Variants in SEC14L5 observed in about 807,000 individuals in gnomAD.
SEC14L5 encodes the protein SEC14 like lipid binding 5, also known as SEC14-like protein 5.
Under a neutral mutation model 84.6 loss-of-function variants are expected in SEC14L5, and 96 were observed. The observed-to-expected ratio is 1.13, with a 90% CI of 0.96 to 1.34. The LOEUF (loss-of-function observed/expected upper bound fraction) is 1.34. Among genes scored for constraint, SEC14L5 ranks in the 40% most tolerant of loss-of-function variants. The pLI is 0.00. For missense variants in SEC14L5, 1,224 were observed against 942.5 expected (o/e 1.30, Z -3.91); for synonymous variants, 546 against 383.4 (o/e 1.42, Z -4.95).
At chr16:4,985,734 G>T (rs1955478470) in intron 2 of SEC14L5, among the ~76,000 whole-genome samples, 1 of 151,064 alleles carries the variant, frequency 6.6e-6, no homozygotes. Flanking sequence ...GATTACTGTA[G>T]CCTGATATAT....
intron 2 of SEC14L5, among the ~76,000 whole-genome samples, chr16:4,961,013 T>G (rs1955113891): frequency 6.6e-6 from 1 of 152,160 alleles, no homozygotes; most frequent in African/African-American, 2.4e-5. Context: ...GGCTCACACC[T>G]GTAATCCCAG....
intron 8 of SEC14L5, among the ~76,000 whole-genome samples, chr16:4,999,314 A>G (rs980811087): frequency 2.0e-5 from 3 of 152,116 alleles, no homozygotes; most frequent in African/African-American, 7.2e-5. Context: ...GTCCTTAAAC[A>G]GAAACACAAG....
At chr16:5,004,627 G>T (rs1485412251) in intron 11 of SEC14L5, among the ~76,000 whole-genome samples, 1 of 152,036 alleles carries the variant, frequency 6.6e-6, no homozygotes, top group African/African-American at 2.4e-5. Flanking sequence ...GCCTCCTGGG[G>T]CCCAGCACAG....
chr16:5,001,011 G>C lies in SEC14L5; in HGVS notation c.1130+86G>C, dbSNP rs1596638375. On this transcript the variant is annotated intron_variant, in intron 10 of 15. Transcript: ENST00000251170. ...GTCCACTGTGCATATGTGCTGGGCTGGGCAGCGTGCCAGGGGCTTCATTCT... is the reference window on the plus strand; with the variant it reads ...GTCCACTGTGCATATGTGCTGGGCTCGGCAGCGTGCCAGGGGCTTCATTCT... 5.6e-6 allele frequency: 6 copies of C among 1,073,206 alleles called. No homozygotes were observed. In the South Asian group the frequency reaches 8.1e-5, roughly 15 times the overall value. The allele number at this position is 1,073,206 out of a possible 1,614,324, so 66.5% of individuals were successfully genotyped here. A position where few individuals can be genotyped will look rare whatever the true frequency, so the allele number is the denominator to read the frequency against.
At chr16:5,013,134 CA>C (rs1214921047) in intron 15 of SEC14L5, among the ~76,000 whole-genome samples, 1 of 152,064 alleles carries the variant, frequency 6.6e-6, no homozygotes, top group Non-Finnish European at 1.5e-5. Context: ...CCCCATGATC[CA>C]ATCACCTCCC....
intron 15 of SEC14L5, among the ~76,000 whole-genome samples, chr16:5,013,352 T>C (rs1216455622): frequency 6.6e-6 from 1 of 151,902 alleles, no homozygotes; most frequent in African/African-American, 2.4e-5. Context: ...GAGATCTAAG[T>C]AGTGTGGTGG....
chr16:4,959,113 G>C, intron 1 of SEC14L5, 160 bp from the exon 2 acceptor site: 1 of 593,158 alleles, frequency 1.7e-6, no homozygotes, highest in East Asian at 2.8e-5. Context: ...GAAGCTGTTG[G>C]GGCTTGGCCT....
intron 4 of SEC14L5, 96 bp downstream of exon 4, chr16:4,988,376 C>G (rs1955518966): frequency 7.0e-7 from 1 of 1,438,238 alleles, no homozygotes; most frequent in Non-Finnish European, 9.4e-7. Context: ...CCTTGAGCCT[C>G]TGCCAAGCCC....
rs913191919 is a variant in SEC14L5, at chr16:4,982,992, A to G, written c.64-4565A>G. Among the ~76,000 whole-genome samples the G allele has an allele frequency of 7.2e-5, 11 of 152,082 alleles. No homozygotes were observed. In the East Asian group the frequency reaches 9.6e-4, roughly 13 times the overall value. On this transcript the variant is annotated intron_variant, in intron 2 of 15. Transcript: ENST00000251170. ...AAAATAAACTCCTTAAACTACTCATATATTTATTTATATATTTATTTTTAT... is the reference window on the plus strand; with the variant it reads ...AAAATAAACTCCTTAAACTACTCATGTATTTATTTATATATTTATTTTTAT...
chr16:5,002,918 T>G (rs1343608185), intron 10 of SEC14L5, among the ~76,000 whole-genome samples: 1 of 152,200 alleles, frequency 6.6e-6, no homozygotes, highest in East Asian at 1.9e-4. Context: ...TTGCAATGTT[T>G]TGAATTTTTG....
chr16:5,003,821 C>T (rs1214737288), intron 11 of SEC14L5, among the ~76,000 whole-genome samples: 1 of 152,230 alleles, frequency 6.6e-6, no homozygotes, highest in Non-Finnish European at 1.5e-5. Flanking sequence ...CAAAAAGAAC[C>T]CCCATGCCCA....
chr16:4,959,733 T>A (rs1176729002), intron 2 of SEC14L5, among the ~76,000 whole-genome samples: 1 of 152,198 alleles, frequency 6.6e-6, no homozygotes, highest in African/African-American at 2.4e-5. Flanking sequence ...GTGGTGATAA[T>A]GACAACAGCT....
chr16:4,999,321 C>G (rs1204953312), intron 8 of SEC14L5, among the ~76,000 whole-genome samples: 1 of 152,062 alleles, frequency 6.6e-6, no homozygotes, highest in Admixed American at 6.6e-5. Context: ...AACAGAAACA[C>G]AAGCCGGGCG....
At chr16:4,965,981 G>T (rs1369141497) in intron 2 of SEC14L5, among the ~76,000 whole-genome samples, 1 of 152,120 alleles carries the variant, frequency 6.6e-6, no homozygotes, top group African/African-American at 2.4e-5. Flanking sequence ...GATTGAGGCT[G>T]CAGTGAGCTG....
At chr16:4,993,298 A>G (rs762506067) in intron 6 of SEC14L5, among the ~76,000 whole-genome samples, 72 of 152,056 alleles carry the variant, frequency 4.7e-4, no homozygotes, top group Non-Finnish European at 9.1e-4. Context: ...CTGGAGTGCA[A>G]TGGCACGATC....
chr16:4,997,021 G>C lies in SEC14L5; in HGVS notation c.947G>C (p.Gly316Ala), dbSNP rs760254716. The change falls in exon 8 of 16, where the codon GGG becomes GCG. Residue 316 changes from glycine (G) to alanine (A), a missense_variant. Gly to Ala is a moderately conservative substitution (Grantham distance 60). Transcript: ENST00000251170. Reference sequence around the variant, plus strand: ...GCCCTGCTGGAGGAGTTCTATGCAGGGGGCTGGCATTACCAGGACATAGGT... The same window carrying C: ...GCCCTGCTGGAGGAGTTCTATGCAGCGGGCTGGCATTACCAGGACATAGGT... ...PPALLEEFYA[G>A]GWHYQDIDGR... The C allele has an allele frequency of 1.2e-6, 2 of 1,611,694 alleles. No individual in the cohort carries two copies. Among genetic ancestry groups the C allele is most frequent in the South Asian group, 2.2e-5 (2 of 90,706 alleles).
intron 2 of SEC14L5, among the ~76,000 whole-genome samples, chr16:4,973,457 G>C (rs1313460500): frequency 7.2e-6 from 1 of 139,092 alleles, no homozygotes; most frequent in Non-Finnish European, 1.6e-5. Context: ...TCATCAGCTG[G>C]GTGACACTGC....
chr16:5,010,233 G>T (rs140456675), intron 14 of SEC14L5, among the ~76,000 whole-genome samples: 1 of 149,310 alleles, frequency 6.7e-6, no homozygotes, highest in Non-Finnish European at 1.5e-5. Flanking sequence ...GTGTGGTGGC[G>T]GGTGCCTGTA....
chr16:4,987,249 C>G (rs1450628222), intron 2 of SEC14L5, among the ~76,000 whole-genome samples: 1 of 145,270 alleles, frequency 6.9e-6, no homozygotes, highest in Non-Finnish European at 1.5e-5. Flanking sequence ...TTCTCAAATG[C>G]TTTTCCTGAG....
Sources: gnomAD v4.1 joint callset for allele counts (sites outside exome capture counted in the v4.1 genomes callset) on GRCh38, gnomAD v4.1.1 for gene constraint, MANE v1.5 for transcripts, NCBI Gene and HGNC (gene_info 2026-07-23, HGNC 2026-07-21) for gene names.